The following TAF4B variants were observed in gnomAD, a reference collection of about 807,000 sequenced individuals.
TAF4B encodes transcription initiation factor TFIID subunit 4B.
In TAF4B, 38 loss-of-function variants were observed where a neutral mutation model predicts 86.4. The ratio of observed to expected loss-of-function variants is 0.44; its 90% CI spans 0.34 to 0.58. The LOEUF is 0.58. TAF4B is among the 20% of genes least tolerant of loss of function. The probability of loss-of-function intolerance (pLI) is 0.02; values close to 1 mark genes in which losing one functional copy is unlikely to be tolerated. For synonymous variants in TAF4B, 388 were observed against 391.2 expected (o/e 0.99, Z 0.10); for missense variants, 988 against 1,027.6 (o/e 0.96, Z 0.53).
intron 9 of TAF4B, among the ~76,000 whole-genome samples, chr18:26,307,695 T>C (rs2056808879): frequency 6.6e-6 from 1 of 152,220 alleles, no homozygotes. Flanking sequence ...ATGTGCTGTT[T>C]GCATAGATGG....
intron 9 of TAF4B, among the ~76,000 whole-genome samples, chr18:26,307,487 A>G (rs2056806723): frequency 6.6e-6 from 1 of 152,212 alleles, no homozygotes; most frequent in African/African-American, 2.4e-5. Flanking sequence ...AGATGTGATG[A>G]TAATAAGGAA....
chr18:26,326,949 A>G (rs2057009274), intron 11 of TAF4B, 66 bp from the exon 12 acceptor site: 3 of 1,539,742 alleles, frequency 1.9e-6, no homozygotes, highest in Non-Finnish European at 2.6e-6. Context: ...AGGTTTATAC[A>G]ATACCTAATG....
intron 14 of TAF4B, among the ~76,000 whole-genome samples, chr18:26,378,135 G>A (rs1008205833): frequency 1.3e-5 from 2 of 152,178 alleles, no homozygotes; most frequent in Non-Finnish European, 2.9e-5. Context: ...GTGATTCAGT[G>A]AAGGGTGGGG....
chr18:26,276,673 C>A (rs9945134), intron 5 of TAF4B, among the ~76,000 whole-genome samples: 1 of 152,012 alleles, frequency 6.6e-6, no homozygotes, highest in African/African-American at 2.4e-5. Flanking sequence ...ATACCTCATA[C>A]TAACAAATTT....
chr18:26,303,067 A>ACTTTCATACCCCCTCCT (rs2056755100), intron 9 of TAF4B, among the ~76,000 whole-genome samples: 2 of 63,282 alleles, frequency 3.2e-5, no homozygotes, highest in African/African-American at 5.6e-5. Context: ...TACCCGCTCC[A>ACTTTCATACCCCCTCCT]CTTTCATACC....
chr18:26,318,246 G>A (rs1220919755), intron 10 of TAF4B, among the ~76,000 whole-genome samples: 1 of 152,032 alleles, frequency 6.6e-6, no homozygotes, highest in Non-Finnish European at 1.5e-5. Context: ...TGTTGCCCAG[G>A]TTGATCTTGA....
intron 12 of TAF4B, among the ~76,000 whole-genome samples, chr18:26,329,552 TC>T (rs556249831): frequency 3.3e-5 from 5 of 152,250 alleles, no homozygotes; most frequent in Non-Finnish European, 5.9e-5. Flanking sequence ...TCATCTCTTT[TC>T]AGATTCTTTT....
At chr18:26,338,769 C>G (rs1032804175) in intron 13 of TAF4B, among the ~76,000 whole-genome samples, 1 of 152,098 alleles carries the variant, frequency 6.6e-6, no homozygotes, top group African/African-American at 2.4e-5. Flanking sequence ...TGAGCCACTA[C>G]GCCTGGATCA....
At chr18:26,327,272 T>C in intron 12 of TAF4B, 132 bp downstream of exon 12, 1 of 1,092,906 alleles carries the variant, frequency 9.1e-7, no homozygotes, top group Non-Finnish European at 1.3e-6. Context: ...ACGAAATTAC[T>C]AATAGGATGT....
intron 9 of TAF4B, among the ~76,000 whole-genome samples, chr18:26,304,254 A>G (rs79090243): frequency 0.046 from 6,910 of 151,652 alleles, 506 homozygotes; most frequent in African/African-American, 0.15. Flanking sequence ...AAAGATAAAC[A>G]TGCAAGGAAG....
chr18:26,379,707 C>T (rs2144374008), intron 14 of TAF4B, among the ~76,000 whole-genome samples: 1 of 152,108 alleles, frequency 6.6e-6, no homozygotes, highest in South Asian at 2.1e-4. Flanking sequence ...TTAGAATCAT[C>T]TTGTCATTCT....
chr18:26,346,887 A>G (rs866331506), intron 13 of TAF4B, among the ~76,000 whole-genome samples: 2,653 of 12,708 alleles, frequency 0.21, 972 homozygotes, highest in East Asian at 0.44. Context: ...GTATATATAT[A>G]TATATATATA....
intron 10 of TAF4B, among the ~76,000 whole-genome samples, chr18:26,316,255 T>C (rs961468314): frequency 1.3e-5 from 2 of 152,226 alleles, no homozygotes; most frequent in Non-Finnish European, 2.9e-5. Context: ...TCGATTTTTA[T>C]AGACCTATGG....
chr18:26,358,570 C>T (rs1384870988), intron 14 of TAF4B, among the ~76,000 whole-genome samples: 3 of 152,096 alleles, frequency 2.0e-5, no homozygotes, highest in Non-Finnish European at 2.9e-5. Context: ...ATTAGCCGAA[C>T]GTGGTGGCGG....
chr18:26,261,497 G>A (rs1009154578), intron 1 of TAF4B, among the ~76,000 whole-genome samples: 4 of 152,200 alleles, frequency 2.6e-5, no homozygotes, highest in African/African-American at 9.6e-5. Flanking sequence ...ACTGCGCCCG[G>A]CCAGCACTGT....
intron 12 of TAF4B, among the ~76,000 whole-genome samples, chr18:26,333,858 T>G (rs1374917424): frequency 6.6e-6 from 1 of 152,132 alleles, no homozygotes; most frequent in African/African-American, 2.4e-5. Context: ...CTTTGTCTCC[T>G]TATATCATCT....
At chr18:26,381,337 C>T (rs1450677781) in intron 14 of TAF4B, among the ~76,000 whole-genome samples, 1 of 151,716 alleles carries the variant, frequency 6.6e-6, no homozygotes, top group East Asian at 1.9e-4. Flanking sequence ...TTAATGGTTG[C>T]TGTGACTCTG....
intron 13 of TAF4B, among the ~76,000 whole-genome samples, chr18:26,335,891 T>C (rs1210254672): frequency 6.6e-6 from 1 of 152,206 alleles, no homozygotes; most frequent in Non-Finnish European, 1.5e-5. Flanking sequence ...TCCTGACTTT[T>C]CTAGCCCCAG....
At chr18:26,240,470 TAAG>T (rs1226008446) in intron 1 of TAF4B, among the ~76,000 whole-genome samples, 3 of 152,222 alleles carry the variant, frequency 2.0e-5, no homozygotes, top group African/African-American at 7.2e-5. Context: ...CTTGTCAGCT[TAAG>T]GAGATTTTGG....
Sources: gnomAD v4.1 joint callset for allele counts (sites outside exome capture counted in the v4.1 genomes callset) on GRCh38, gnomAD v4.1.1 for gene constraint, MANE v1.5 for transcripts, NCBI Gene and HGNC (gene_info 2026-07-23, HGNC 2026-07-21) for gene names.